The following CCBE1 variants were observed in gnomAD, a reference collection of about 807,000 sequenced individuals.
The protein encoded by CCBE1 is collagen and calcium binding EGF domains 1.
Under a neutral mutation model 50.0 loss-of-function variants are expected in CCBE1, and 37 were observed. The observed-to-expected ratio is 0.74, with a 90% confidence interval of 0.57 to 0.97. The LOEUF is 0.97. Among genes scored for constraint, CCBE1 ranks in the 50% least tolerant of loss-of-function variants. The pLI, the probability that CCBE1 is intolerant of heterozygous loss-of-function variation, is 0.00. For missense variants in CCBE1, 538 were observed against 523.8 expected (o/e 1.03, Z -0.26); for synonymous variants, 234 against 203.7 (o/e 1.15, Z -1.27).
intron 2 of CCBE1, among the ~76,000 whole-genome samples, chr18:59,662,900 C>G (rs2054304439): frequency 6.6e-6 from 1 of 152,124 alleles, no homozygotes; most frequent in South Asian, 2.1e-4. Flanking sequence ...TCAAGCCCGA[C>G]CTGGGCAAAA....
intron 2 of CCBE1, among the ~76,000 whole-genome samples, chr18:59,661,394 A>C (rs2054283193): frequency 6.6e-6 from 1 of 152,252 alleles, no homozygotes; most frequent in African/African-American, 2.4e-5. Flanking sequence ...GGAACAAATG[A>C]GTTTTGAGTC....
intron 2 of CCBE1, among the ~76,000 whole-genome samples, chr18:59,663,671 A>G (rs1599114559): frequency 6.6e-6 from 1 of 152,266 alleles, no homozygotes; most frequent in Middle Eastern, 3.4e-3. Flanking sequence ...CATGAGAGTC[A>G]GAAGGAAGAC....
At chr18:59,683,865 TCCCACCTCACC>T (rs2054623519) in intron 2 of CCBE1, among the ~76,000 whole-genome samples, 1 of 151,222 alleles carries the variant, frequency 6.6e-6, no homozygotes, top group South Asian at 2.1e-4. Flanking sequence ...ACACATGAGC[TCCCACCTCACC>T]CCCTACATCA....
At chr18:59,574,053 G>A (rs1043839294) in intron 2 of CCBE1, among the ~76,000 whole-genome samples, 4 of 152,102 alleles carry the variant, frequency 2.6e-5, no homozygotes, top group Non-Finnish European at 4.4e-5. Context: ...TCTGTGCTAC[G>A]AGGCATAAAT....
At chr18:59,610,187 T>G (rs2053550472) in intron 2 of CCBE1, among the ~76,000 whole-genome samples, 1 of 151,932 alleles carries the variant, frequency 6.6e-6, no homozygotes, top group South Asian at 2.1e-4. Flanking sequence ...CTGGCTGGAG[T>G]GGAGAGGGCT....
intron 2 of CCBE1, among the ~76,000 whole-genome samples, chr18:59,587,533 A>G (rs1033915145): frequency 1.3e-5 from 2 of 152,146 alleles, no homozygotes; most frequent in Non-Finnish European, 2.9e-5. Context: ...GAACTAACAG[A>G]CTCCATTTTC....
intron 2 of CCBE1, among the ~76,000 whole-genome samples, chr18:59,585,972 G>T (rs1428737402): frequency 1.3e-5 from 2 of 152,152 alleles, no homozygotes; most frequent in East Asian, 1.9e-4. Context: ...GGAAAAATTT[G>T]CTACAAAGTT....
Position 59,431,837 on chromosome 18 carries a change from G to C in CCBE1, c.*4071C>G, listed in dbSNP as rs529123081. ...TGTCGGGCATTAACTCAGAAGGTGAGAAAAGGCACCATTCTCTCTGCAGCC... is the reference window on the plus strand; with the variant it reads ...TGTCGGGCATTAACTCAGAAGGTGACAAAAGGCACCATTCTCTCTGCAGCC... On this transcript the variant is annotated 3_prime_UTR_variant, in exon 11 of 11. Coordinates refer to ENST00000439986, the MANE Select transcript of CCBE1 (RefSeq NM_133459.4). 6.6e-6 allele frequency: 1 copy of C among 152,402 alleles called. No individual in the cohort carries two copies. Among genetic ancestry groups the C allele is most frequent in the South Asian group, 2.1e-4 (1 of 4,824 alleles). The allele number at this position is 152,402 out of a possible 1,614,324, so 9.4% of individuals were successfully genotyped here. A position where few individuals can be genotyped will look rare whatever the true frequency, so the allele number is the denominator to read the frequency against.
intron 2 of CCBE1, among the ~76,000 whole-genome samples, chr18:59,660,023 C>A (rs1051718498): frequency 6.6e-6 from 1 of 152,178 alleles, no homozygotes; most frequent in African/African-American, 2.4e-5. Context: ...TTTGTTGGAG[C>A]TCATGTGTAG....
intron 2 of CCBE1, among the ~76,000 whole-genome samples, chr18:59,599,361 A>G (rs903072928): frequency 6.6e-6 from 1 of 152,232 alleles, no homozygotes; most frequent in Non-Finnish European, 1.5e-5. Context: ...CTCAGTTGAG[A>G]AAACATGCAG....
intron 2 of CCBE1, among the ~76,000 whole-genome samples, chr18:59,600,194 A>G (rs1447556710): frequency 2.6e-5 from 4 of 152,068 alleles, no homozygotes; most frequent in African/African-American, 7.2e-5. Context: ...CCTGTGCTCT[A>G]CCTCCTGTCA....
chr18:59,628,107 G>T (rs923853187), intron 2 of CCBE1, among the ~76,000 whole-genome samples: 1 of 152,054 alleles, frequency 6.6e-6, no homozygotes, highest in Non-Finnish European at 1.5e-5. Context: ...CCAGCTACTC[G>T]GGAGGCTGAG....
At chr18:59,590,179 T>C (rs1160645458) in intron 2 of CCBE1, among the ~76,000 whole-genome samples, 1 of 152,172 alleles carries the variant, frequency 6.6e-6, no homozygotes, top group East Asian at 1.9e-4. Flanking sequence ...GCCAAATCAA[T>C]TAGAGGCATA....
chr18:59,500,199 A>G (rs1367671399), intron 2 of CCBE1, among the ~76,000 whole-genome samples: 2 of 152,148 alleles, frequency 1.3e-5, no homozygotes, highest in Non-Finnish European at 2.9e-5. Flanking sequence ...TTGTGTTGAT[A>G]TATGCTGATC....
chr18:59,516,561 A>G (rs943118970), intron 2 of CCBE1, among the ~76,000 whole-genome samples: 1 of 152,334 alleles, frequency 6.6e-6, no homozygotes, highest in Non-Finnish European at 1.5e-5. Context: ...GCTGAAAAGG[A>G]AAGTCCAGGG....
At chr18:59,680,270 A>T (rs947452857) in intron 2 of CCBE1, among the ~76,000 whole-genome samples, 2 of 151,462 alleles carry the variant, frequency 1.3e-5, no homozygotes, top group African/African-American at 2.4e-5. Context: ...TCAGATACGC[A>T]CTTATCTCAG....
intron 2 of CCBE1, among the ~76,000 whole-genome samples, chr18:59,546,157 G>C (rs555249086): frequency 2.6e-5 from 4 of 152,268 alleles, no homozygotes; most frequent in Non-Finnish European, 1.5e-5. Context: ...TGAACTATAT[G>C]CTGAATATTT....
rs760359258 is a variant in CCBE1 at position 59,435,877 on chromosome 18, T to A, written c.*31A>T. 6.3e-7 allele frequency: 1 copy of A among 1,586,610 alleles called. No individual in the cohort carries two copies. Among genetic ancestry groups the A allele is most frequent in the Non-Finnish European group, 8.7e-7 (1 of 1,154,760 alleles). ...TTAACTGCAGGTGAGTTGATCTTTC[T>A]CTTCCTTTGGCGTGACGGTGTTGGG... is the stretch of plus-strand genomic sequence containing the variant. On this transcript the variant is annotated 3_prime_UTR_variant, in exon 11 of 11. Coordinates refer to ENST00000439986, the MANE Select transcript of CCBE1 (RefSeq NM_133459.4).
At position 59,693,864 on chromosome 18, in the gene CCBE1, C is replaced by CTTTT. The variant is rs11410421; in HGVS notation, c.212+2761_212+2764dup. 2.8e-3 allele frequency among the ~76,000 whole-genome samples: 198 copies of CTTTT among 70,770 alleles called. 20 individuals are homozygous for CTTTT. Among genetic ancestry groups the CTTTT allele is most frequent in the African/African-American group, 5.7e-3 (91 of 16,022 alleles). 46.4% of individuals were successfully genotyped at this position (70,770 alleles called of 152,430 possible). ...AGAATATTTCTTGTTAAAGGAAAGCCTTTTTTTTTTTTTTTTTTTTTTTTT... is the reference window on the plus strand; with the variant it reads ...AGAATATTTCTTGTTAAAGGAAAGCCTTTTTTTTTTTTTTTTTTTTTTTTTTTTT... On this transcript the variant is annotated intron_variant, in intron 2 of 10. Coordinates refer to ENST00000439986, the MANE Select transcript of CCBE1 (RefSeq NM_133459.4).
Sources: allele counts gnomAD v4.1 joint callset (sites outside exome capture counted in the v4.1 genomes callset), GRCh38; gene constraint gnomAD v4.1.1; transcripts MANE v1.5; gene names NCBI Gene and HGNC (gene_info 2026-07-23, HGNC 2026-07-21).